Variants in RGS12 observed in about 807,000 individuals in gnomAD.
The protein encoded by RGS12 is regulator of G-protein signaling 12.
In RGS12, 66 loss-of-function variants were observed where a neutral mutation model predicts 120.1. The observed-to-expected ratio is 0.55, with a 90% CI of 0.45 to 0.67. The LOEUF (loss-of-function observed/expected upper bound fraction) is 0.67, where lower values mean the gene tolerates loss of function less well. Ranked by LOEUF, RGS12 falls within the 30% of genes least tolerant of loss-of-function variation. The probability of loss-of-function intolerance (pLI) is 0.00; values close to 1 mark genes in which losing one functional copy is unlikely to be tolerated. For missense variants in RGS12, 1,859 were observed against 1,957.7 expected, an observed-to-expected ratio of 0.95 and a Z score of 0.95; for synonymous variants, 827 against 804.7, an observed-to-expected ratio of 1.03 and a Z score of -0.47.
chr4:3,411,922 A>G (rs1318158745), intron 4 of RGS12, among the ~76,000 whole-genome samples: 1 of 152,260 alleles, frequency 6.6e-6, no homozygotes, highest in Non-Finnish European at 1.5e-5. Flanking sequence ...CTTCCACCGC[A>G]GCTCGGAGTC....
At chr4:3,432,221 T>C (rs912569437) in intron 17 of RGS12, 1 of 936,866 alleles carries the variant, frequency 1.1e-6, no homozygotes, top group Non-Finnish European at 1.3e-6. Context: ...TTGTTTCCAC[T>C]TTAGAAAATA....
At chr4:3,373,252 A>T (rs1221500418) in intron 3 of RGS12, among the ~76,000 whole-genome samples, 1 of 152,154 alleles carries the variant, frequency 6.6e-6, no homozygotes, top group East Asian at 1.9e-4. Context: ...TTCCCTCGCG[A>T]GTCTACCACG....
Position 3,410,274 on chromosome 4 carries a change from T to A in RGS12, c.2021-3798T>A, listed in dbSNP as rs568678092. On this transcript the variant is annotated intron_variant, in intron 4 of 17. Transcript: ENST00000336727. Reference sequence around the variant, plus strand: ...CTGCTACCCTGCCCAGCTAATTTTTTAATTTATTTTCATTTTCTGTAGAGA... The same window carrying A: ...CTGCTACCCTGCCCAGCTAATTTTTAAATTTATTTTCATTTTCTGTAGAGA... Among the ~76,000 whole-genome samples, 50 of 152,362 alleles carry A rather than the reference T, an allele frequency of 3.3e-4. No homozygotes were observed. The Middle Eastern group carries it at 0.017, about 52-fold the overall frequency.
At chr4:3,420,311 C>A (rs1010456415) in intron 9 of RGS12, 1 of 402,076 alleles carries the variant, frequency 2.5e-6, no homozygotes. Flanking sequence ...TGGGTCTGTG[C>A]TGTGTAACTG....
chr4:3,394,702 T>C (rs28636983), intron 4 of RGS12, among the ~76,000 whole-genome samples: 7,672 of 152,224 alleles, frequency 0.05, 608 homozygotes, highest in African/African-American at 0.17. Context: ...GGTACATACA[T>C]GATCAATAAG....
chr4:3,335,437 A>G (rs1387439216), intron 2 of RGS12, among the ~76,000 whole-genome samples: 1 of 152,188 alleles, frequency 6.6e-6, no homozygotes. Context: ...TACTGCCCTC[A>G]GCCCTAAGCC....
Position 3,390,886 on chromosome 4 carries a change from A to G in RGS12, c.2020+4449A>G, listed in dbSNP as rs147594384. Among the ~76,000 whole-genome samples the G allele has an allele frequency of 1.5e-3, 221 of 152,384 alleles. No homozygotes were observed. Among genetic ancestry groups the G allele is most frequent in the African/African-American group, 4.9e-3 (202 of 41,592 alleles). ...TGCATTCCTCTTTAAAATATAAAGT[A>G]TAATTGTTGATATTTTTGGCAAATG... On this transcript the variant is annotated intron_variant, in intron 4 of 17. Coordinates refer to ENST00000336727, the MANE Select transcript of RGS12 (RefSeq NM_001394154.1). The surrounding 1 kb of genome is among the most constrained non-coding windows in gnomAD (Gnocchi z 4.6).
intron 2 of RGS12, among the ~76,000 whole-genome samples, chr4:3,328,362 A>G (rs1235530963): frequency 6.6e-6 from 1 of 152,210 alleles, no homozygotes; most frequent in African/African-American, 2.4e-5. Context: ...GTATAGTAAC[A>G]AAATTGCACT....
intron 10 of RGS12, among the ~76,000 whole-genome samples, chr4:3,421,235 A>T (rs1263831204): frequency 6.6e-6 from 1 of 152,164 alleles, no homozygotes; most frequent in African/African-American, 2.4e-5. Flanking sequence ...GAGGGAGATG[A>T]GCAGGCGCAG....
intron 4 of RGS12, among the ~76,000 whole-genome samples, chr4:3,411,879 C>G (rs192960151): frequency 6.6e-6 from 1 of 152,292 alleles, no homozygotes; most frequent in Non-Finnish European, 1.5e-5. Context: ...CGTGTGAGCG[C>G]TGGTGCGCGT....
rs568973141 is a variant in RGS12 at position 3,393,794 on chromosome 4, T to C, written c.2020+7357T>C. 1.8e-4 allele frequency among the ~76,000 whole-genome samples: 27 copies of C among 152,318 alleles called. 1 individual carries two copies. The East Asian group carries it at 4.6e-3, about 26-fold the overall frequency. On this transcript the variant is annotated intron_variant, in intron 4 of 17. Transcript: ENST00000336727. ...TTCTGTGATATAATTTTTTTCACCT[T>C]ACTTGTGGGATGTGGTCTGTAAAGT...
chr4:3,368,485 G>GTGT (rs1716596181), intron 3 of RGS12, among the ~76,000 whole-genome samples: 1 of 128,618 alleles, frequency 7.8e-6, no homozygotes, highest in East Asian at 2.5e-4. Flanking sequence ...GCCTGTGTGT[G>GTGT]AGGTGCCTGT....
chr4:3,439,359 C>T, intron 17 of RGS12, 96 bp from the exon 18 acceptor site: 1 of 1,219,362 alleles, frequency 8.2e-7, no homozygotes, highest in African/African-American at 1.5e-5. Context: ...GGACCCCTAC[C>T]ATGCTGTCTG....
intron 3 of RGS12, among the ~76,000 whole-genome samples, chr4:3,383,510 A>G (rs1718479900): frequency 6.6e-6 from 1 of 151,934 alleles, no homozygotes; most frequent in South Asian, 2.1e-4. Flanking sequence ...GGAGGCTGAC[A>G]TGGGAGGATT....
rs200492553 is a variant in RGS12 at position 3,321,654 on chromosome 4, AG to A, written c.1881+3606del. ...GTCCGCCTTGGCTTGCCTGCACCCC[AG>A]GGCAGGGTTTTCTGTGGCTGTGGAG... is the stretch of plus-strand genomic sequence containing the variant. On this transcript the variant is annotated intron_variant, in intron 2 of 17. Transcript: ENST00000336727. Among the ~76,000 whole-genome samples, 8 of 152,254 alleles carry A rather than the reference AG, an allele frequency of 5.3e-5. No homozygotes were observed. In the East Asian group the frequency reaches 1.5e-3, roughly 29 times the overall value.
At chr4:3,395,890 A>G (rs980217472) in intron 4 of RGS12, among the ~76,000 whole-genome samples, 15 of 152,288 alleles carry the variant, frequency 9.8e-5, no homozygotes, top group African/African-American at 3.1e-4. Context: ...CCCCTTGAGG[A>G]TACCAAAATC....
At chr4:3,315,711 C>T (rs947996038) in intron 1 of RGS12, among the ~76,000 whole-genome samples, 4 of 152,302 alleles carry the variant, frequency 2.6e-5, no homozygotes, top group Non-Finnish European at 5.9e-5. Context: ...GTGTGGAGCC[C>T]GAGAGTCTGC....
chr4:3,349,050 C>T (rs146878939), intron 3 of RGS12, among the ~76,000 whole-genome samples: 5 of 152,310 alleles, frequency 3.3e-5, no homozygotes, highest in Admixed American at 2.0e-4. Context: ...AAAATCAAAA[C>T]GTCCTGCAGT....
At chr4:3,360,718 T>TA (rs1393565474) in intron 3 of RGS12, among the ~76,000 whole-genome samples, 1 of 152,166 alleles carries the variant, frequency 6.6e-6, no homozygotes, top group Admixed American at 6.5e-5. Context: ...TGATTTTGAT[T>TA]AAATGAATAT....
Sources: allele counts gnomAD v4.1 joint callset (sites outside exome capture counted in the v4.1 genomes callset), GRCh38; gene constraint gnomAD v4.1.1; non-coding constraint Gnocchi (gnomAD v3.1); transcripts MANE v1.5; gene names NCBI Gene and HGNC (gene_info 2026-07-23, HGNC 2026-07-21).